The following PRELID2 variants were observed in gnomAD, a reference collection of about 807,000 sequenced individuals.
PRELID2 encodes the protein PRELI domain containing 2, also known as PRELI domain-containing protein 2.
Under a neutral mutation model 28.4 loss-of-function variants are expected in PRELID2, and 25 were observed. That is an observed-to-expected ratio of 0.88 (90% CI 0.64 to 1.23). The LOEUF (loss-of-function observed/expected upper bound fraction) is 1.23. Ranked by LOEUF, PRELID2 falls within the 50% of genes most tolerant of loss-of-function variation. The pLI is 0.00. For missense variants in PRELID2, 201 were observed against 214.4 expected (o/e 0.94, Z 0.39); for synonymous variants, 76 against 71.6 (o/e 1.06, Z -0.31).
chr5:145,554,960 T>C (rs956194925), intron 1 of PRELID2, among the ~76,000 whole-genome samples: 2 of 152,244 alleles, frequency 1.3e-5, no homozygotes, highest in African/African-American at 4.8e-5. Context: ...ATTAATACCT[T>C]CTTTCATATT....
chr5:145,576,911 T>G (rs989744082), intron 1 of PRELID2, among the ~76,000 whole-genome samples: 2 of 152,138 alleles, frequency 1.3e-5, no homozygotes, highest in Non-Finnish European at 2.9e-5. Context: ...TATCAAAATA[T>G]TACATGTACC....
chr5:145,598,695 G>T (rs1223287668), intron 1 of PRELID2, among the ~76,000 whole-genome samples: 2 of 152,116 alleles, frequency 1.3e-5, no homozygotes, highest in African/African-American at 2.4e-5. Flanking sequence ...TGGCTCTGGG[G>T]ATAGAGGATG....
chr5:145,747,012 C>G (rs544618615), intron 1 of PRELID2, among the ~76,000 whole-genome samples: 4 of 152,124 alleles, frequency 2.6e-5, no homozygotes, highest in Non-Finnish European at 5.9e-5. Context: ...GAACCAGAAT[C>G]TCTGGGACAC....
intron 4 of PRELID2, among the ~76,000 whole-genome samples, chr5:145,805,536 C>A (rs901213876): frequency 1.3e-5 from 2 of 152,058 alleles, no homozygotes; most frequent in African/African-American, 2.4e-5. Flanking sequence ...ACTAGAATTA[C>A]CAAGGTGAAT....
intron 1 of PRELID2, among the ~76,000 whole-genome samples, chr5:145,571,457 G>C (rs1216042449): frequency 6.6e-6 from 1 of 152,150 alleles, no homozygotes; most frequent in African/African-American, 2.4e-5. Context: ...ATTCCAGACT[G>C]ATTCTTATCC....
chr5:145,615,172 T>G (rs1283433367), intron 1 of PRELID2, among the ~76,000 whole-genome samples: 1 of 152,214 alleles, frequency 6.6e-6, no homozygotes, highest in Non-Finnish European at 1.5e-5. Context: ...CCTCTTTGTC[T>G]CTTTTAACTG....
the PRELID2 span, among the ~76,000 whole-genome samples, chr5:145,266,400 A>G: frequency 6.6e-6 from 1 of 152,034 alleles, no homozygotes; most frequent in Non-Finnish European, 1.5e-5. Context: ...GACAATTCTC[A>G]AAGAAGATAT....
the PRELID2 span, among the ~76,000 whole-genome samples, chr5:145,416,570 G>A: frequency 6.6e-6 from 1 of 152,074 alleles, no homozygotes; most frequent in Non-Finnish European, 1.5e-5. Flanking sequence ...ATGAATTTAA[G>A]GCAGAAATCA....
intron 1 of PRELID2, among the ~76,000 whole-genome samples, chr5:145,671,679 T>G (rs1056439259): frequency 1.3e-5 from 2 of 152,156 alleles, no homozygotes; most frequent in Non-Finnish European, 2.9e-5. Flanking sequence ...AGAATGTTCT[T>G]TCCCACTAAA....
At chr5:145,273,575 G>A in the PRELID2 span, among the ~76,000 whole-genome samples, 4 of 152,090 alleles carry the variant, frequency 2.6e-5, no homozygotes, top group Admixed American at 6.6e-5. Flanking sequence ...AAGAAGAGAC[G>A]GAAATGCTTT....
intron 1 of PRELID2, among the ~76,000 whole-genome samples, chr5:145,672,932 GA>G (rs1297280251): frequency 2.0e-5 from 3 of 152,076 alleles, no homozygotes; most frequent in Non-Finnish European, 4.4e-5. Context: ...ACACAGCTAT[GA>G]AACCCAGGAT....
chr5:145,778,268 C>G (rs1472727435), intron 5 of PRELID2, among the ~76,000 whole-genome samples: 1 of 152,050 alleles, frequency 6.6e-6, no homozygotes, highest in African/African-American at 2.4e-5. Context: ...CAGAGGGGAG[C>G]AACCCACTCC....
chr5:145,420,846 T>C, the PRELID2 span, among the ~76,000 whole-genome samples: 1 of 88,922 alleles, frequency 1.1e-5, no homozygotes, highest in Non-Finnish European at 2.3e-5. Context: ...TTTTGCCCAT[T>C]CAGTATGATA....
intron 4 of PRELID2, among the ~76,000 whole-genome samples, chr5:145,808,852 C>T (rs1158322640): frequency 6.6e-6 from 1 of 151,746 alleles, no homozygotes; most frequent in Non-Finnish European, 1.5e-5. Flanking sequence ...TTACTGCACT[C>T]CAGCCTGGGC....
intron 1 of PRELID2, among the ~76,000 whole-genome samples, chr5:145,677,281 A>G (rs1754839723): frequency 6.7e-6 from 1 of 150,332 alleles, no homozygotes; most frequent in Non-Finnish European, 1.5e-5. Context: ...CAGCCTCCTG[A>G]GTCGCTGGGA....
At chr5:145,346,659 T>C in the PRELID2 span, among the ~76,000 whole-genome samples, 1 of 152,152 alleles carries the variant, frequency 6.6e-6, no homozygotes, top group Non-Finnish European at 1.5e-5. Flanking sequence ...ATTTCTACAC[T>C]GTCAGAGTAA....
At chr5:145,330,805 T>C in the PRELID2 span, among the ~76,000 whole-genome samples, 1 of 152,154 alleles carries the variant, frequency 6.6e-6, no homozygotes, top group African/African-American at 2.4e-5. Context: ...TTATTTCATG[T>C]CTTCTGCTAG....
chr5:145,578,803 T>C (rs1167478190), intron 1 of PRELID2, among the ~76,000 whole-genome samples: 2 of 152,064 alleles, frequency 1.3e-5, no homozygotes, highest in Non-Finnish European at 2.9e-5. Flanking sequence ...TACACATCAG[T>C]TTGCTGGATT....
chr5:145,345,587 C>T, the PRELID2 span, among the ~76,000 whole-genome samples: 2 of 152,068 alleles, frequency 1.3e-5, no homozygotes, highest in South Asian at 2.1e-4. Context: ...AAATAAAACA[C>T]TCTATAGCTG....
Sources: gnomAD v4.1 joint callset for allele counts (sites outside exome capture counted in the v4.1 genomes callset) on GRCh38, gnomAD v4.1.1 for gene constraint, MANE v1.5 for transcripts, NCBI Gene and HGNC (gene_info 2026-07-23, HGNC 2026-07-21) for gene names.